Variants in MARCHF1 observed in about 807,000 individuals in gnomAD.
MARCHF1 encodes the protein membrane associated ring-CH-type finger 1.
MARCHF1 carries 40 observed loss-of-function variants against 54.2 expected under a neutral mutation model. The observed-to-expected ratio is 0.74, with a 90% CI of 0.57 to 0.96. MARCHF1 has a LOEUF of 0.96. Among genes scored for constraint, MARCHF1 ranks in the 40% least tolerant of loss-of-function variants. The pLI is 0.00. For missense variants in MARCHF1, 586 were observed against 656.5 expected (o/e 0.89, Z 1.17); for synonymous variants, 236 against 236.3 (o/e 1.00, Z 0.01).
chr4:164,324,407 A>T (rs1411032112), intron 1 of MARCHF1, among the ~76,000 whole-genome samples: 1 of 151,838 alleles, frequency 6.6e-6, no homozygotes, highest in Admixed American at 6.6e-5. Context: ...TGATGTGAAG[A>T]TTCTAGTAAA....
intron 4 of MARCHF1, among the ~76,000 whole-genome samples, chr4:163,792,674 A>G (rs574645060): frequency 2.6e-5 from 4 of 152,320 alleles, no homozygotes; most frequent in Admixed American, 2.6e-4. Context: ...TAATCAGTCA[A>G]TCCTGATTTA....
chr4:164,004,871 A>C (rs1753255806), intron 2 of MARCHF1, among the ~76,000 whole-genome samples: 1 of 152,116 alleles, frequency 6.6e-6, no homozygotes, highest in African/African-American at 2.4e-5. Context: ...TATGGCTCTC[A>C]TACTTCATGA....
At chr4:164,056,632 G>T (rs1221035242) in intron 2 of MARCHF1, among the ~76,000 whole-genome samples, 1 of 152,166 alleles carries the variant, frequency 6.6e-6, no homozygotes. Flanking sequence ...TTGGGTAGAA[G>T]AACTCATTCC....
At chr4:164,176,941 GCTCTCTCTCTCTCTCTCTCTCTCTCT>G (rs57770641) in intron 1 of MARCHF1, among the ~76,000 whole-genome samples, 1 of 58,132 alleles carries the variant, frequency 1.7e-5, no homozygotes, top group African/African-American at 4.4e-5. Context: ...TACCTTGTGC[GCTCTCTCTCTCTCTCTCTCTCTCTCT>G]CTCTCTCTCT....
intron 1 of MARCHF1, among the ~76,000 whole-genome samples, chr4:164,227,541 GAGACAA>G (rs1243519644): frequency 6.6e-6 from 1 of 152,130 alleles, no homozygotes; most frequent in Admixed American, 6.6e-5. Flanking sequence ...TTTGGGGGTG[GAGACAA>G]AGGCAGGAAT....
At chr4:163,844,376 C>A (rs949240102) in intron 4 of MARCHF1, among the ~76,000 whole-genome samples, 3 of 152,042 alleles carry the variant, frequency 2.0e-5, no homozygotes, top group African/African-American at 4.8e-5. Flanking sequence ...TATATGTTGT[C>A]TGTTTATTCT....
At chr4:163,946,403 A>T (rs1200674047) in intron 3 of MARCHF1, among the ~76,000 whole-genome samples, 1 of 152,112 alleles carries the variant, frequency 6.6e-6, no homozygotes, top group Non-Finnish European at 1.5e-5. Flanking sequence ...ATCTCTCTAT[A>T]GTCCTGATTT....
intron 3 of MARCHF1, among the ~76,000 whole-genome samples, chr4:163,936,742 C>T (rs1204549122): frequency 6.6e-6 from 1 of 152,142 alleles, no homozygotes; most frequent in African/African-American, 2.4e-5. Flanking sequence ...TGTGAAACAC[C>T]ATCTGCTAGA....
At chr4:163,787,542 A>T (rs1344631975) in intron 4 of MARCHF1, among the ~76,000 whole-genome samples, 2 of 151,824 alleles carry the variant, frequency 1.3e-5, no homozygotes, top group African/African-American at 4.8e-5. Context: ...CATACCCATT[A>T]GGATGGCTAC....
chr4:164,188,535 C>T (rs2111039944), intron 1 of MARCHF1: 2 of 723,528 alleles, frequency 2.8e-6, no homozygotes, highest in Non-Finnish European at 5.1e-6. Flanking sequence ...GTGGAGATCA[C>T]CGCCAACAAT....
At chr4:163,772,361 G>A (rs1364169344) in intron 4 of MARCHF1, among the ~76,000 whole-genome samples, 4 of 152,158 alleles carry the variant, frequency 2.6e-5, no homozygotes, top group Non-Finnish European at 1.5e-5. Context: ...GCCACAAACT[G>A]AACAGCCTCA....
intron 1 of MARCHF1, among the ~76,000 whole-genome samples, chr4:164,228,297 C>T (rs1732314306): frequency 6.6e-6 from 1 of 152,016 alleles, no homozygotes; most frequent in Admixed American, 6.6e-5. Context: ...TTTATCTGTC[C>T]CATTAACTTA....
rs114712921 is a variant in MARCHF1, at chr4:163,849,202, T to C, written c.111+4819A>G. ...CCAGTTTCACAAGTTATTACCTAAG[T>C]CACCTTGGACAGGTTTTTAAATTTC... On this transcript the variant is annotated intron_variant, in intron 4 of 9. Coordinates refer to ENST00000514618, the MANE Select transcript of MARCHF1 (RefSeq NM_001394959.1). Among the ~76,000 whole-genome samples the C allele has an allele frequency of 7.2e-3, 1,101 of 152,322 alleles. 11 individuals carry two copies. Among genetic ancestry groups the C allele is most frequent in the African/African-American group, 0.025 (1,054 of 41,588 alleles).
chr4:164,023,518 T>C (rs566346345), intron 2 of MARCHF1, among the ~76,000 whole-genome samples: 3 of 152,148 alleles, frequency 2.0e-5, no homozygotes, highest in African/African-American at 7.2e-5. Flanking sequence ...AATCTATAAA[T>C]AAATAAAATA....
At chr4:163,967,398 G>A (rs1752463925) in intron 3 of MARCHF1, among the ~76,000 whole-genome samples, 2 of 152,146 alleles carry the variant, frequency 1.3e-5, no homozygotes, top group Admixed American at 6.5e-5. Flanking sequence ...CGTGGTCCAT[G>A]TATTTTTAAC....
intron 2 of MARCHF1, among the ~76,000 whole-genome samples, chr4:164,029,873 G>T (rs1337545433): frequency 6.6e-6 from 1 of 152,206 alleles, no homozygotes. Context: ...GGCATTACAG[G>T]TGTGAGTCAT....
At chr4:163,544,661 C>A (rs942450500) in intron 9 of MARCHF1, among the ~76,000 whole-genome samples, 9 of 152,158 alleles carry the variant, frequency 5.9e-5, no homozygotes, top group African/African-American at 1.7e-4. Flanking sequence ...AGTAACCAAC[C>A]TTTCTGTGTT....
chr4:163,741,496 T>C (rs543446932), intron 4 of MARCHF1, among the ~76,000 whole-genome samples: 32 of 152,076 alleles, frequency 2.1e-4, no homozygotes, highest in Admixed American at 7.2e-4. Context: ...GGCAGGAGAA[T>C]TGCTTGAGCC....
At chr4:163,764,253 TAG>T (rs1746911265) in intron 4 of MARCHF1, among the ~76,000 whole-genome samples, 1 of 152,134 alleles carries the variant, frequency 6.6e-6, no homozygotes, top group African/African-American at 2.4e-5. Context: ...AAGAGGAAAT[TAG>T]TATGACCTCA....
Sources: gnomAD v4.1 joint callset for allele counts (sites outside exome capture counted in the v4.1 genomes callset) on GRCh38, gnomAD v4.1.1 for gene constraint, MANE v1.5 for transcripts, NCBI Gene and HGNC (gene_info 2026-07-23, HGNC 2026-07-21) for gene names.